PHF14: variants seen among roughly 807,000 people sequenced by gnomAD.
PHF14 encodes the protein PHD finger protein 14.
A neutral mutation model predicts 117.9 loss-of-function variants in PHF14; 55 were observed. The observed-to-expected ratio is 0.47, with a 90% CI of 0.38 to 0.58. PHF14 has a LOEUF of 0.58. PHF14 is among the 20% of genes least tolerant of loss of function. The pLI is 0.00. For missense variants in PHF14, 978 were observed against 1,122.2 expected, an observed-to-expected ratio of 0.87 and a Z score of 1.84; for synonymous variants, 409 against 368.6, an observed-to-expected ratio of 1.11 and a Z score of -1.26.
chr7:11,011,208 A>G (rs1022266071), intron 4 of PHF14, among the ~76,000 whole-genome samples: 3 of 152,142 alleles, frequency 2.0e-5, no homozygotes, highest in Admixed American at 1.3e-4. Context: ...TTATTTACTA[A>G]TTGTATATGG....
intron 4 of PHF14, among the ~76,000 whole-genome samples, chr7:10,994,186 C>G (rs1782552709): frequency 6.6e-6 from 1 of 152,146 alleles, no homozygotes; most frequent in Non-Finnish European, 1.5e-5. Context: ...CGCCTGTAAT[C>G]CCAGCACTTT....
chr7:11,148,412 A>G (rs1018475772), intron 17 of PHF14, among the ~76,000 whole-genome samples: 6 of 152,072 alleles, frequency 3.9e-5, no homozygotes, highest in African/African-American at 7.2e-5. Context: ...GTGCCTGTAC[A>G]TTCTCTTCTC....
rs1382322693 is a variant in PHF14, at chr7:10,982,361, A to G, written c.113-11A>G. 2 of 1,512,002 alleles carry G rather than the reference A, an allele frequency of 1.3e-6. No individual in the cohort carries two copies. Among genetic ancestry groups the G allele is most frequent in the South Asian group, 1.4e-5 (1 of 72,774 alleles). 93.7% of individuals were successfully genotyped at this position (1,512,002 alleles called of 1,614,324 possible). A position where few individuals can be genotyped will look rare whatever the true frequency, so the allele number is the denominator to read the frequency against. On this transcript the variant is annotated splice_polypyrimidine_tract_variant and intron_variant, in intron 2 of 17. Transcript: ENST00000634607. ...ATATGTGTGGTTTTTTTTTTCTCAT[A>G]TTTTCAACAGATTCTGAAGGGAGTG...
At chr7:11,099,473 T>C (rs550688693) in intron 16 of PHF14, among the ~76,000 whole-genome samples, 4 of 152,284 alleles carry the variant, frequency 2.6e-5, no homozygotes, top group South Asian at 2.1e-4. Context: ...TACACAATTT[T>C]AGAGTAATAA....
chr7:11,107,728 G>C (rs1362168806), intron 16 of PHF14: 4 of 796,284 alleles, frequency 5.0e-6, no homozygotes, highest in Non-Finnish European at 4.6e-6. Context: ...ATTTAATAAA[G>C]TATATTGTGT....
intron 16 of PHF14, among the ~76,000 whole-genome samples, chr7:11,093,600 C>T (rs1786729796): frequency 6.6e-6 from 1 of 152,178 alleles, no homozygotes; most frequent in South Asian, 2.1e-4. Flanking sequence ...GAAGAAGCCC[C>T]ATTGCACTGT....
At chr7:11,080,341 G>A (rs887039824) in intron 16 of PHF14, among the ~76,000 whole-genome samples, 1 of 152,078 alleles carries the variant, frequency 6.6e-6, no homozygotes, top group African/African-American at 2.4e-5. Context: ...AATGTATTGG[G>A]TAGTGATTGA....
chr7:11,095,689 GA>G (rs1017828543), intron 16 of PHF14, among the ~76,000 whole-genome samples: 1 of 151,942 alleles, frequency 6.6e-6, no homozygotes, highest in East Asian at 1.9e-4. Flanking sequence ...TGGGAGAAGT[GA>G]AAAAAAGTCA....
intron 14 of PHF14, among the ~76,000 whole-genome samples, chr7:11,054,010 C>T (rs1475533215): frequency 6.6e-6 from 1 of 151,080 alleles, no homozygotes; most frequent in Admixed American, 6.6e-5. Context: ...AATTCCAATG[C>T]ATGTTGAAGC....
intron 16 of PHF14, among the ~76,000 whole-genome samples, chr7:11,085,610 C>G (rs1395089321): frequency 6.6e-6 from 1 of 152,098 alleles, no homozygotes; most frequent in Non-Finnish European, 1.5e-5. Flanking sequence ...GGTGACCAAC[C>G]TTCCTCCTTA....
chr7:11,148,726 A>G (rs1256851518), intron 17 of PHF14, among the ~76,000 whole-genome samples: 1 of 152,242 alleles, frequency 6.6e-6, no homozygotes. Context: ...GTTAATAGAC[A>G]AACATTTATA....
At chr7:11,005,559 A>T (rs564560314) in intron 4 of PHF14, among the ~76,000 whole-genome samples, 8 of 152,220 alleles carry the variant, frequency 5.3e-5, no homozygotes, top group African/African-American at 1.7e-4. Context: ...AATCCCTAAG[A>T]TATTTTTCTA....
At chr7:11,111,267 A>AATT in intron 16 of PHF14, 83 bp from the exon 17 acceptor site, 1 of 618,294 alleles carries the variant, frequency 1.6e-6, no homozygotes, top group South Asian at 2.2e-5. Flanking sequence ...AATATACAAT[A>AATT]GTTTGTCTTT....
intron 2 of PHF14, among the ~76,000 whole-genome samples, chr7:10,978,305 ATAATT>A (rs1562558047): frequency 6.6e-6 from 1 of 152,248 alleles, no homozygotes; most frequent in East Asian, 1.9e-4. Flanking sequence ...AAAAATTAGA[ATAATT>A]AAATAAAATA....
chr7:10,974,159 C>CGCGGGGCTACTCTTGGGA lies in PHF14; in HGVS notation c.-161_-144dup. 1 of 639,478 alleles carries CGCGGGGCTACTCTTGGGA rather than the reference C, an allele frequency of 1.6e-6. No homozygotes were observed. Among genetic ancestry groups the CGCGGGGCTACTCTTGGGA allele is most frequent in the Non-Finnish European group, 2.8e-6 (1 of 356,900 alleles). The allele number at this position is 639,478 out of a possible 1,614,324, so 39.6% of individuals were successfully genotyped here. On this transcript the variant is annotated 5_prime_UTR_variant, in exon 1 of 18. Coordinates refer to ENST00000634607, the MANE Select transcript of PHF14 (RefSeq NM_001007157.2). Reference sequence around the variant, plus strand: ...CCGGGGGGGCGGGGGGTTAGGGGACCGCGGGGCTACTCTTGGGAGCGCCCC... The same window carrying CGCGGGGCTACTCTTGGGA: ...CCGGGGGGGCGGGGGGTTAGGGGACCGCGGGGCTACTCTTGGGAGCGGGGCTACTCTTGGGAGCGCCCC...
intron 16 of PHF14, among the ~76,000 whole-genome samples, chr7:11,067,282 G>A (rs1292957377): frequency 1.3e-5 from 2 of 152,194 alleles, no homozygotes; most frequent in Non-Finnish European, 2.9e-5. Flanking sequence ...CATTGGGCTA[G>A]TTATCATTAA....
chr7:11,081,286 CA>C (rs1271434587), intron 16 of PHF14, among the ~76,000 whole-genome samples: 1 of 152,100 alleles, frequency 6.6e-6, no homozygotes, highest in Non-Finnish European at 1.5e-5. Flanking sequence ...TTAAGCATGA[CA>C]ATACTATTTG....
chr7:11,149,151 G>A (rs1218296315), intron 17 of PHF14, among the ~76,000 whole-genome samples: 1 of 152,032 alleles, frequency 6.6e-6, no homozygotes, highest in African/African-American at 2.4e-5. Context: ...CAAAGCCTGT[G>A]CATTTTCTGC....
intron 10 of PHF14, 131 bp downstream of exon 10, chr7:11,037,222 C>T (rs1583397491): frequency 1.5e-6 from 1 of 682,812 alleles, no homozygotes; most frequent in East Asian, 3.0e-5. Flanking sequence ...CCCTATAACT[C>T]CTACTCCTCA....
Sources: gnomAD v4.1 joint callset for allele counts (sites outside exome capture counted in the v4.1 genomes callset) on GRCh38, gnomAD v4.1.1 for gene constraint, MANE v1.5 for transcripts, NCBI Gene and HGNC (gene_info 2026-07-23, HGNC 2026-07-21) for gene names.